ANO3: variants seen among roughly 807,000 people sequenced by gnomAD.
ANO3 encodes the protein anoctamin-3.
A neutral mutation model predicts 144.8 loss-of-function variants in ANO3; 99 were observed. The observed-to-expected ratio is 0.68, with a 90% confidence interval of 0.58 to 0.81. The LOEUF (loss-of-function observed/expected upper bound fraction) is 0.81. Ranked by LOEUF, ANO3 falls within the 30% of genes least tolerant of loss-of-function variation. ANO3 has a pLI of 0.00. For synonymous variants in ANO3, 414 were observed against 392.6 expected (o/e 1.05, Z -0.64); for missense variants, 905 against 1,202.2 (o/e 0.75, Z 3.66).
At chr11:26,232,102 T>G (rs1319075207) in intron 1 of ANO3, among the ~76,000 whole-genome samples, 1 of 152,210 alleles carries the variant, frequency 6.6e-6, no homozygotes, top group Non-Finnish European at 1.5e-5. Flanking sequence ...TGCCCCAATT[T>G]TCTTTCTAGG....
intron 1 of ANO3, among the ~76,000 whole-genome samples, chr11:26,323,432 C>A (rs11029517): frequency 0.02 from 3,063 of 152,166 alleles, 62 homozygotes; most frequent in East Asian, 0.13. Flanking sequence ...CCCAGACTTA[C>A]TGGGATTGTG....
chr11:26,407,470 T>C (rs1184838776), intron 1 of ANO3, among the ~76,000 whole-genome samples: 1 of 151,798 alleles, frequency 6.6e-6, no homozygotes, highest in African/African-American at 2.4e-5. Context: ...TTCAATCAAA[T>C]CTCATGGCTT....
At chr11:26,570,814 T>C (rs10430847) in intron 14 of ANO3, among the ~76,000 whole-genome samples, 11,707 of 152,116 alleles carry the variant, frequency 0.077, 812 homozygotes, top group East Asian at 0.34. Flanking sequence ...TTGGACAGTA[T>C]TTTTAGTTTC....
At chr11:26,559,176 A>G (rs953582257) in intron 13 of ANO3, 1 of 152,322 alleles carries the variant, frequency 6.6e-6, no homozygotes, top group African/African-American at 2.4e-5. Flanking sequence ...TCAGTGATTT[A>G]TGAAACTTTT....
At chr11:26,631,306 T>G (rs1211691274) in intron 18 of ANO3, among the ~76,000 whole-genome samples, 1 of 152,078 alleles carries the variant, frequency 6.6e-6, no homozygotes, top group African/African-American at 2.4e-5. Context: ...TTCTTTCATT[T>G]TATTTTGTTT....
intron 1 of ANO3, among the ~76,000 whole-genome samples, chr11:26,233,709 T>C (rs1039402796): frequency 6.6e-6 from 1 of 152,182 alleles, no homozygotes; most frequent in Non-Finnish European, 1.5e-5. Context: ...CCATCAATGA[T>C]AGACTGGATA....
intron 4 of ANO3, among the ~76,000 whole-genome samples, chr11:26,488,711 G>T (rs534072259): frequency 2.0e-5 from 3 of 152,134 alleles, no homozygotes; most frequent in Non-Finnish European, 4.4e-5. Flanking sequence ...GCAGACCTTC[G>T]CAGTGAGTGT....
Position 26,514,379 on chromosome 11 carries a change from G to A in ANO3, c.592-2448G>A, listed in dbSNP as rs369707911. Among the ~76,000 whole-genome samples the A allele has an allele frequency of 9.9e-5, 15 of 152,124 alleles. No individual in the cohort carries two copies. The East Asian group carries it at 2.9e-3, about 29-fold the overall frequency. On this transcript the variant is annotated intron_variant, in intron 5 of 26. Transcript: ENST00000256737. ...CAACTGAGAAAAAAACATTTCTGGA[G>A]AATTTATTAGGCATGGGCACTTTAT...
chr11:26,371,944 G>T (rs918568486), intron 1 of ANO3, among the ~76,000 whole-genome samples: 4 of 152,150 alleles, frequency 2.6e-5, no homozygotes, highest in Non-Finnish European at 5.9e-5. Context: ...TTCAGTTAAT[G>T]CTGGAATAAG....
intron 1 of ANO3, among the ~76,000 whole-genome samples, chr11:26,247,328 A>G (rs928895674): frequency 2.6e-5 from 4 of 152,226 alleles, no homozygotes; most frequent in Non-Finnish European, 5.9e-5. Context: ...ACAACGTGCT[A>G]TAATATTTCA....
chr11:26,641,997 T>C lies in ANO3; in HGVS notation c.2243T>C (p.Leu748Pro), dbSNP rs1853170537. 1.2e-6 allele frequency: 2 copies of C among 1,613,904 alleles called. No individual in the cohort carries two copies. Among genetic ancestry groups the C allele is most frequent in the Non-Finnish European group, 1.7e-6 (2 of 1,179,892 alleles). The change falls in exon 22 of 27, where the codon CTT becomes CCT. Residue 748 changes from leucine (L) to proline (P), a missense_variant. By Grantham distance (98) the Leu-to-Pro change is moderately conservative. Around this residue, in one of 4 missense-constraint regions of ANO3, gnomAD observed 597 missense variants for 865.1 expected, o/e 0.69. Transcript: ENST00000256737. ...GATTGGAATCTGCAGCCCATGAACCTTCATGGACTGATGGATGAGTACTTA... is the reference window on the plus strand; with the variant it reads ...GATTGGAATCTGCAGCCCATGAACCCTCATGGACTGATGGATGAGTACTTA... ...ENDWNLQPMN[L>P]HGLMDEYLEM...
chr11:26,655,783 A>C (rs1431113951), intron 24 of ANO3, among the ~76,000 whole-genome samples: 3 of 152,190 alleles, frequency 2.0e-5, no homozygotes, highest in African/African-American at 7.2e-5. Flanking sequence ...ATTATAATTG[A>C]ATAATATTAT....
chr11:26,324,271 T>C (rs1322048370), intron 1 of ANO3, among the ~76,000 whole-genome samples: 1 of 152,160 alleles, frequency 6.6e-6, no homozygotes, highest in Non-Finnish European at 1.5e-5. Flanking sequence ...CACATGTTTG[T>C]GGAGCTGGGC....
intron 1 of ANO3, among the ~76,000 whole-genome samples, chr11:26,229,870 T>C (rs1852351378): frequency 6.6e-6 from 1 of 152,218 alleles, no homozygotes; most frequent in Admixed American, 6.5e-5. Flanking sequence ...AATTGGAACA[T>C]GAATAAAAGG....
At chr11:26,484,348 T>C (rs1860356160) in intron 4 of ANO3, among the ~76,000 whole-genome samples, 1 of 152,086 alleles carries the variant, frequency 6.6e-6, no homozygotes, top group Non-Finnish European at 1.5e-5. Flanking sequence ...GCTCCCTGCA[T>C]CCCAGCCACC....
At chr11:26,261,128 G>T (rs1237043743) in intron 1 of ANO3, among the ~76,000 whole-genome samples, 1 of 152,016 alleles carries the variant, frequency 6.6e-6, no homozygotes, top group Non-Finnish European at 1.5e-5. Flanking sequence ...CTTCTAAGGG[G>T]CCTGAAATAG....
chr11:26,441,889 T>A (rs939988730), intron 1 of ANO3, 29 bp from the exon 2 acceptor site: 6 of 1,557,546 alleles, frequency 3.9e-6, no homozygotes, highest in Non-Finnish European at 5.3e-6. Flanking sequence ...GATTTTTTAT[T>A]GCTAAAACTC....
chr11:26,386,171 C>T (rs777168005), intron 1 of ANO3, among the ~76,000 whole-genome samples: 7 of 152,018 alleles, frequency 4.6e-5, no homozygotes, highest in African/African-American at 1.2e-4. Context: ...ACATATAAAA[C>T]GGACACAGGC....
chr11:26,437,013 G>A (rs1858319895), intron 1 of ANO3, among the ~76,000 whole-genome samples: 3 of 151,910 alleles, frequency 2.0e-5, no homozygotes, highest in Admixed American at 1.3e-4. Context: ...CTGCCAAACA[G>A]CAAAGATAGC....
Sources: allele counts gnomAD v4.1 joint callset (sites outside exome capture counted in the v4.1 genomes callset), GRCh38; gene constraint gnomAD v4.1.1; regional missense constraint gnomAD v4.1.1; transcripts MANE v1.5; gene names NCBI Gene and HGNC (gene_info 2026-07-23, HGNC 2026-07-21).